Variants in KDM5A observed in about 807,000 individuals in gnomAD.
The protein encoded by KDM5A is lysine-specific demethylase 5A.
Under a neutral mutation model 193.5 loss-of-function variants are expected in KDM5A, and 42 were observed. The ratio of observed to expected loss-of-function variants is 0.22; its 90% confidence interval spans 0.17 to 0.28. The LOEUF is 0.28. KDM5A is among the 10% of genes least tolerant of loss of function. The pLI, the probability that KDM5A is intolerant of heterozygous loss-of-function variation, is 1.00. For missense variants in KDM5A, 1,692 were observed against 2,055.1 expected (o/e 0.82, Z 3.42); for synonymous variants, 796 against 718.1 (o/e 1.11, Z -1.73).
intron 13 of KDM5A, among the ~76,000 whole-genome samples, chr12:330,104 G>A (rs913750184): frequency 9.5e-5 from 10 of 105,076 alleles, no homozygotes; most frequent in Non-Finnish European, 2.0e-4. Context: ...TATATCTTAT[G>A]ATTAGCAATT....
chr12:347,087 T>C (rs1170627982), intron 10 of KDM5A, among the ~76,000 whole-genome samples: 1 of 152,174 alleles, frequency 6.6e-6, no homozygotes, highest in Non-Finnish European at 1.5e-5. Flanking sequence ...ACAAAATCAA[T>C]GTGCAAAAAT....
chr12:387,171 T>G (rs772272608), intron 1 of KDM5A: 2 of 296,456 alleles, frequency 6.7e-6, no homozygotes, highest in Non-Finnish European at 1.3e-5. Context: ...TAACATAGTT[T>G]GATTTGGCCT....
At position 282,732 on chromosome 12, in the gene KDM5A, T is replaced by C. The variant is rs566365062; in HGVS notation, c.*2724A>G. ...AACTTCAGTTGCAGTTTAGAGGAGA[T>C]AAGGGTAGAAAGACATTTTAAATCA... On this transcript the variant is annotated 3_prime_UTR_variant, in exon 28 of 28. Transcript: ENST00000399788. 5 of 232,764 alleles carry C rather than the reference T, an allele frequency of 2.1e-5. No homozygotes were observed. Among genetic ancestry groups the C allele is most frequent in the Admixed American group, 5.6e-5 (1 of 17,790 alleles). 14.4% of individuals were successfully genotyped at this position (232,764 alleles called of 1,614,324 possible).
Position 321,042 on chromosome 12 carries a change from G to A in KDM5A, c.2494C>T (p.Gln832Ter), listed in dbSNP as rs1292035808. Residue 832 changes from glutamine to a stop codon, truncating the protein, a stop_gained, in exon 18 of 28, where the codon CAA becomes TAA. Transcript: ENST00000399788. LOFTEE classifies it high-confidence loss of function. ...ATGACACACGGAAGACTAAAAAGTT[G>A]TTGGACAAAGGCCTTCAATTCTTCC... Reference protein sequence around the residue: ...TVEELKAFVQQLFSLPCVISQ... With the variant: ...TVEELKAFVQ 6.2e-7 allele frequency: 1 copy of A among 1,614,176 alleles called. No homozygotes were observed. Among genetic ancestry groups the A allele is most frequent in the Non-Finnish European group, 8.5e-7 (1 of 1,179,986 alleles).
intron 3 of KDM5A, among the ~76,000 whole-genome samples, chr12:382,110 G>A (rs1022807866): frequency 2.0e-5 from 3 of 152,058 alleles, no homozygotes; most frequent in South Asian, 2.1e-4. Flanking sequence ...CACATGCCAC[G>A]AATTATTCTC....
Position 311,084 on chromosome 12 carries a change from T to G in KDM5A, c.3037-20A>C. The G allele has an allele frequency of 1.2e-6, 2 of 1,613,772 alleles. No homozygotes were observed. The highest frequency in any genetic ancestry group is 1.7e-6 in the Non-Finnish European group (2 of 1,179,704). The stretch of plus-strand genomic sequence containing the variant: ...GCCACTCTGAAAAACCAAAGTAGAT[T>G]CTCACAATTTGAGTTCTCTTATGGG... On this transcript the variant is annotated intron_variant, in intron 20 of 27. Transcript: ENST00000399788.
chr12:306,999 C>T lies in KDM5A; in HGVS notation c.4021G>A (p.Glu1341Lys). ...ATGTCTTCATCAGAGTCTGTTTCTT[C>T]ATCATCATAGTCCATTGTTTGTCGA... ...SPRQTMDYDD[E>K]ETDSDEDIRE... Residue 1341 changes from glutamate (E) to lysine (K), a missense_variant, in exon 24 of 28, where the codon GAA becomes AAA. Glu to Lys is a moderately conservative substitution (Grantham distance 56, BLOSUM62 1). This residue lies in a region of KDM5A where 965 missense variants were observed against 1,061.0 expected (regional missense o/e 0.91). Transcript: ENST00000399788. 6.2e-7 allele frequency: 1 copy of T among 1,613,936 alleles called. No homozygotes were observed.
chr12:362,977 G>C lies in KDM5A; in HGVS notation c.658C>G (p.Arg220Gly), dbSNP rs752787643. The part of the protein sequence containing the change: ...RMNILPKRTR[R>G]VKTQSESGDV... ...GACATTGATACCTGAGTCTTCACAC[G>C]TCTTGTTCTCTTCGGCAGAATGTTC... is the stretch of plus-strand genomic sequence containing the variant. Residue 220 changes from arginine to glycine, a missense_variant, in exon 5 of 28, where the codon CGT becomes GGT. By Grantham distance (125) the Arg-to-Gly change is moderately radical. This residue lies in a region of KDM5A where 134 missense variants were observed against 124.2 expected (regional missense o/e 1.08). Coordinates refer to ENST00000399788, the MANE Select transcript of KDM5A (RefSeq NM_001042603.3). 1 of 1,614,106 alleles carries C rather than the reference G, an allele frequency of 6.2e-7. No individual in the cohort carries two copies. The highest frequency in any genetic ancestry group is 1.3e-5 in the African/African-American group (1 of 75,026).
At chr12:380,484 G>A (rs983593624) in intron 3 of KDM5A, among the ~76,000 whole-genome samples, 1 of 152,160 alleles carries the variant, frequency 6.6e-6, no homozygotes, top group African/African-American at 2.4e-5. Flanking sequence ...GGGAGGCCAA[G>A]GTGGGCAGAT....
At position 283,810 on chromosome 12, in the gene KDM5A, A is replaced by AT. The variant is rs59742442; in HGVS notation, c.*1645dup. 3,093 of 215,110 alleles carry AT rather than the reference A, an allele frequency of 0.014. 43 individuals are homozygous for AT. Among genetic ancestry groups the AT allele is most frequent in the African/African-American group, 0.048 (2,116 of 44,194 alleles). 13.3% of individuals were successfully genotyped at this position (215,110 alleles called of 1,614,324 possible). On this transcript the variant is annotated 3_prime_UTR_variant, in exon 28 of 28. Transcript: ENST00000399788. Reference sequence around the variant, plus strand: ...TGATGACAAAACACTATTTTTAGTCATTTTTTTTTTTGTCCTTTAAAAAAA... The same window carrying AT: ...TGATGACAAAACACTATTTTTAGTCATTTTTTTTTTTTGTCCTTTAAAAAAA...
intron 27 of KDM5A, chr12:286,171 T>A (rs1419927863): frequency 3.9e-6 from 2 of 509,904 alleles, no homozygotes; most frequent in Admixed American, 4.2e-5. Flanking sequence ...AACTAATATT[T>A]TTTATTCTTC....
Position 307,786 on chromosome 12 carries a change from C to G in KDM5A, c.3598G>C (p.Gly1200Arg). Residue 1200 changes from glycine (G) to arginine (R), a missense_variant, in exon 23 of 28, where the codon GGA becomes CGA. Gly to Arg is a moderately radical substitution (Grantham distance 125, BLOSUM62 -2). This residue lies in a region of KDM5A where 965 missense variants were observed against 1,061.0 expected (regional missense o/e 0.91). Transcript: ENST00000399788. The surrounding 1 kb of genome is among the most constrained non-coding windows in gnomAD (Gnocchi z 4.3). Reference sequence around the variant, plus strand: ...ACTTCTTTAGCTTGCCAGCTGGATCCTTTTTTTTGGGAACTTGATTTAGGA... The same window carrying G: ...ACTTCTTTAGCTTGCCAGCTGGATCGTTTTTTTTGGGAACTTGATTTAGGA... Reference protein sequence around the residue: ...PLPKSSSQKKGSSWQAKEVKF... With the variant: ...PLPKSSSQKKRSSWQAKEVKF... 6.2e-7 allele frequency: 1 copy of G among 1,613,818 alleles called. No individual in the cohort carries two copies. Among genetic ancestry groups the G allele is most frequent in the Non-Finnish European group, 8.5e-7 (1 of 1,179,872 alleles).
At chr12:304,498 G>T (rs868612962) in intron 24 of KDM5A, among the ~76,000 whole-genome samples, 6 of 147,104 alleles carry the variant, frequency 4.1e-5, no homozygotes, top group Non-Finnish European at 7.4e-5. Context: ...AAGTAAATTG[G>T]CAGGGGTATA....
At chr12:289,903 C>CTTTTTTTTTTTTTTTTTTTTTT (rs1943269398) in intron 27 of KDM5A, among the ~76,000 whole-genome samples, 2 of 106,740 alleles carry the variant, frequency 1.9e-5, no homozygotes, top group African/African-American at 8.0e-5. Context: ...TTTTTTCTTT[C>CTTTTTTTTTTTTTTTTTTTTTT]TTTCTTTTTT....
chr12:309,978 A>C lies in KDM5A; in HGVS notation c.3217-14T>G. The C allele has an allele frequency of 6.2e-7, 1 of 1,611,648 alleles. No homozygotes were observed. Among genetic ancestry groups the C allele is most frequent in the East Asian group, 2.2e-5 (1 of 44,856 alleles). On this transcript the variant is annotated splice_polypyrimidine_tract_variant and intron_variant, in intron 21 of 27. Transcript: ENST00000399788. ...GGGGCTCAGCACCTACAAAAATAAAACCACCATTATAAACTCTGGTTTTGA... is the reference window on the plus strand; with the variant it reads ...GGGGCTCAGCACCTACAAAAATAAACCCACCATTATAAACTCTGGTTTTGA...
intron 26 of KDM5A, 26 bp downstream of exon 26, chr12:295,545 ACT>A (rs1403301984): frequency 5.0e-6 from 8 of 1,596,666 alleles, no homozygotes; most frequent in Non-Finnish European, 6.9e-6. Context: ...GTTTTTAACC[ACT>A]GTTTAAATAA....
chr12:313,193 G>C lies in KDM5A; in HGVS notation c.2899C>G (p.Pro967Ala). 6.2e-7 allele frequency: 1 copy of C among 1,613,996 alleles called. No homozygotes were observed. The highest frequency in any genetic ancestry group is 8.5e-7 in the Non-Finnish European group (1 of 1,179,942). ...EKAKVCLQAR[P>A]RHSVASLESI... ...TCTAAACTTGCCACACTGTGCCTCG[G>C]TCTAAAAGAACAATAAAAACAGAGT... The change falls in exon 20 of 28, where the codon CCG (proline) becomes GCG (alanine). Residue 967 changes from proline to alanine, a missense_variant and splice_region_variant. This residue lies in a region of KDM5A where 965 missense variants were observed against 1,061.0 expected (regional missense o/e 0.91). Coordinates refer to ENST00000399788, the MANE Select transcript of KDM5A (RefSeq NM_001042603.3).
At chr12:335,968 G>A (rs1247661588) in intron 10 of KDM5A, among the ~76,000 whole-genome samples, 3 of 150,180 alleles carry the variant, frequency 2.0e-5, no homozygotes, top group African/African-American at 7.4e-5. Context: ...ACTTGAACCC[G>A]GGAGGCAGAG....
At chr12:340,429 C>T (rs745544381) in intron 10 of KDM5A, among the ~76,000 whole-genome samples, 6 of 152,230 alleles carry the variant, frequency 3.9e-5, no homozygotes, top group Non-Finnish European at 7.4e-5. Context: ...GGCACAGTGG[C>T]TCACGCCTGT....
Sources: allele counts gnomAD v4.1 joint callset (sites outside exome capture counted in the v4.1 genomes callset), GRCh38; gene constraint gnomAD v4.1.1; regional missense constraint gnomAD v4.1.1; non-coding constraint Gnocchi (gnomAD v3.1); transcripts MANE v1.5; gene names NCBI Gene and HGNC (gene_info 2026-07-23, HGNC 2026-07-21).